Variants in LRRC7 observed in about 807,000 individuals in gnomAD.
The protein encoded by LRRC7 is leucine rich repeat containing 7, also known as leucine-rich repeat-containing protein 7.
In LRRC7, 23 loss-of-function variants were observed where a neutral mutation model predicts 175.7. That is an observed-to-expected ratio of 0.13 (90% confidence interval 0.09 to 0.19). The LOEUF (loss-of-function observed/expected upper bound fraction) is 0.19. Among genes scored for constraint, LRRC7 ranks in the 10% least tolerant of loss-of-function variants. LRRC7 has a pLI of 1.00. For missense variants in LRRC7, 1,354 were observed against 1,904.7 expected (o/e 0.71, Z 5.38); for synonymous variants, 685 against 680.9 (o/e 1.01, Z -0.09).
intron 8 of LRRC7, among the ~76,000 whole-genome samples, chr1:69,967,447 C>A (rs1387257342): frequency 2.0e-5 from 3 of 152,184 alleles, no homozygotes; most frequent in Non-Finnish European, 4.4e-5. Context: ...CATACTGCCA[C>A]AGCTGATACT....
intron 2 of LRRC7, among the ~76,000 whole-genome samples, chr1:69,684,008 G>A (rs1443563333): frequency 6.6e-6 from 1 of 152,054 alleles, no homozygotes; most frequent in Non-Finnish European, 1.5e-5. Context: ...TGTCATAAAG[G>A]AATCAGAACA....
At chr1:69,938,704 AC>A (rs1425533760) in intron 8 of LRRC7, among the ~76,000 whole-genome samples, 1 of 151,898 alleles carries the variant, frequency 6.6e-6, no homozygotes, top group Non-Finnish European at 1.5e-5. Flanking sequence ...TCCCTAGTTC[AC>A]CAAAGGTGTG....
chr1:70,081,402 A>T (rs1663200543), intron 24 of LRRC7, among the ~76,000 whole-genome samples: 1 of 152,258 alleles, frequency 6.6e-6, no homozygotes, highest in East Asian at 1.9e-4. Flanking sequence ...CATCAGCATG[A>T]TGCTTCAAAC....
At chr1:69,867,679 A>C (rs537522357) in intron 7 of LRRC7, among the ~76,000 whole-genome samples, 1 of 152,324 alleles carries the variant, frequency 6.6e-6, no homozygotes, top group African/African-American at 2.4e-5. Flanking sequence ...AGGTATGCTT[A>C]GGAGATAGAG....
chr1:70,127,355 T>G lies in LRRC7; in HGVS notation c.*5468T>G, dbSNP rs1666492566. Among the ~76,000 whole-genome samples the G allele has an allele frequency of 6.6e-6, 1 of 152,198 alleles. No homozygotes were observed. The highest frequency in any genetic ancestry group is 2.4e-5 in the African/African-American group (1 of 41,442). ...GATATAAATTGCACAGCTTCTACTT[T>G]GGAGAATTCAGAGATTTTTGAAAAA... On this transcript the variant is annotated 3_prime_UTR_variant, in exon 27 of 27. Transcript: ENST00000651989.
At chr1:69,717,304 A>C (rs1244213620) in intron 2 of LRRC7, among the ~76,000 whole-genome samples, 1 of 151,744 alleles carries the variant, frequency 6.6e-6, no homozygotes. Flanking sequence ...TTAGCAGTAC[A>C]GATTCAAAAA....
intron 3 of LRRC7, among the ~76,000 whole-genome samples, chr1:69,772,622 G>A (rs1672364606): frequency 6.6e-6 from 1 of 152,196 alleles, no homozygotes; most frequent in Non-Finnish European, 1.5e-5. Flanking sequence ...AGAGATTAGA[G>A]GCTATTGCAG....
chr1:69,834,665 G>C, intron 5 of LRRC7, 115 bp from the exon 6 acceptor site: 1 of 841,836 alleles, frequency 1.2e-6, no homozygotes, highest in South Asian at 1.5e-5. Context: ...TAATACCAAA[G>C]GAGAGTTGAA....
rs1311452952 is a variant in LRRC7 at position 69,568,034 on chromosome 1, G to A, written c.-606G>A. Among the ~76,000 whole-genome samples the A allele has an allele frequency of 6.6e-6, 1 of 152,130 alleles. No homozygotes were observed. The highest frequency in any genetic ancestry group is 1.5e-5 in the Non-Finnish European group (1 of 68,018). ...GCCCCAGTGCAGCGGGTTCTCGCCG[G>A]CGGGACCTGCAGCCGCCCACTCGGG... On this transcript the variant is annotated 5_prime_UTR_variant, in exon 1 of 27. Transcript: ENST00000651989.
At chr1:70,060,553 A>C (rs1486809963) in intron 23 of LRRC7, among the ~76,000 whole-genome samples, 1 of 152,128 alleles carries the variant, frequency 6.6e-6, no homozygotes, top group Non-Finnish European at 1.5e-5. Context: ...TAGAAATAGA[A>C]GAAAGTCTGA....
In LRRC7 at chr1:70,038,146, A is replaced by G. The variant is rs2102023417; in HGVS notation, c.2322A>G (p.Ser774=). The G allele has an allele frequency of 6.2e-7, 1 of 1,612,630 alleles. No homozygotes were observed. The highest frequency in any genetic ancestry group is 8.5e-7 in the Non-Finnish European group (1 of 1,179,340). The part of the protein sequence containing the change: ...IAPSFPQPLD[S]KPLLSQREAV... ...CATCTTTCCCACAGCCTCTTGATTC[A>G]AAGCCATTACTCAGCCAGCGGGAGG... Residue 774 remains serine, a synonymous_variant, in exon 21 of 27, where the codon TCA becomes TCG. Coordinates refer to ENST00000651989, the MANE Select transcript of LRRC7 (RefSeq NM_001370785.2).
chr1:69,672,328 G>A (rs1363262107), intron 1 of LRRC7, among the ~76,000 whole-genome samples: 2 of 152,162 alleles, frequency 1.3e-5, no homozygotes, highest in Non-Finnish European at 2.9e-5. Flanking sequence ...ATAGCTGTAT[G>A]TGGCTAGCAG....
chr1:70,038,031 G>C, intron 20 of LRRC7, 82 bp from the exon 21 acceptor site: 1 of 1,481,878 alleles, frequency 6.7e-7, no homozygotes, highest in Non-Finnish European at 9.1e-7. Context: ...AAGGATGATG[G>C]CCCTCTTTGC....
intron 11 of LRRC7, among the ~76,000 whole-genome samples, chr1:70,006,016 G>A (rs975703393): frequency 6.6e-5 from 10 of 151,320 alleles, no homozygotes; most frequent in African/African-American, 2.4e-4. Flanking sequence ...ACAAATGTCA[G>A]TGGCAATCTG....
intron 8 of LRRC7, among the ~76,000 whole-genome samples, chr1:69,955,701 A>T: frequency 6.6e-6 from 1 of 152,054 alleles, no homozygotes; most frequent in East Asian, 1.9e-4. Flanking sequence ...CTCATTGCTC[A>T]TCTGTAATAT....
chr1:69,659,560 T>C (rs78397337), intron 1 of LRRC7, among the ~76,000 whole-genome samples: 3,217 of 148,824 alleles, frequency 0.022, 110 homozygotes, highest in African/African-American at 0.074. Flanking sequence ...AGTTGAATAA[T>C]AACTGATATC....
chr1:69,683,356 A>G (rs1039995878), intron 2 of LRRC7, among the ~76,000 whole-genome samples: 4 of 152,110 alleles, frequency 2.6e-5, no homozygotes, highest in African/African-American at 9.7e-5. Context: ...TTTCCTGCAT[A>G]CTGTTAGAAA....
rs1449526275 is a variant in LRRC7 at position 70,121,833 on chromosome 1, G to C, written c.4674G>C (p.Leu1558=). The part of the protein sequence containing the change: ...HMEHEKAVLL[L]KSFQNTVDLV... The stretch of plus-strand genomic sequence containing the variant: ...AACATGAAAAAGCTGTATTACTACT[G>C]AAGAGTTTCCAGAACACAGTAGACC... The change falls in exon 27 of 27, where the codon CTG becomes CTC. Residue 1558 remains leucine, a synonymous_variant. Coordinates refer to ENST00000651989, the MANE Select transcript of LRRC7 (RefSeq NM_001370785.2). 7 of 1,612,680 alleles carry C rather than the reference G, an allele frequency of 4.3e-6. No homozygotes were observed. The highest frequency in any genetic ancestry group is 1.6e-4 in the Middle Eastern group (1 of 6,072).
At chr1:69,857,966 A>AAAG (rs1159853823) in intron 7 of LRRC7, among the ~76,000 whole-genome samples, 1 of 152,166 alleles carries the variant, frequency 6.6e-6, no homozygotes, top group East Asian at 1.9e-4. Context: ...ACAGATCTAC[A>AAAG]ACCATCTGAT....
Sources: allele counts gnomAD v4.1 joint callset (sites outside exome capture counted in the v4.1 genomes callset), GRCh38; gene constraint gnomAD v4.1.1; transcripts MANE v1.5; gene names NCBI Gene and HGNC (gene_info 2026-07-23, HGNC 2026-07-21).